The following MUC5B variants were observed in gnomAD, a reference collection of about 807,000 sequenced individuals.
The protein encoded by MUC5B is mucin-5B.
A neutral mutation model predicts 376.9 loss-of-function variants in MUC5B; 116 were observed. The observed-to-expected ratio is 0.31, with a 90% CI of 0.26 to 0.36. MUC5B has a LOEUF of 0.36. Among genes scored for constraint, MUC5B ranks in the 10% least tolerant of loss-of-function variants. The pLI, the probability that MUC5B is intolerant of heterozygous loss-of-function variation, is 1.00. For missense variants in MUC5B, 7,165 were observed against 7,769.9 expected, an observed-to-expected ratio of 0.92 and a Z score of 2.93; for synonymous variants, 3,517 against 3,390.9, an observed-to-expected ratio of 1.04 and a Z score of -1.29.
At chr11:1,231,583 G>A (rs550674755) in intron 14 of MUC5B, 23 bp downstream of exon 14, 57 of 1,552,482 alleles carry the variant, frequency 3.7e-5, no homozygotes, top group Admixed American at 9.7e-5. Flanking sequence ...AGGGGCCTTC[G>A]GGGACAGGGC....
rs1303007014 is a variant in MUC5B, at chr11:1,256,094, T to C, written c.16067-62T>C. ...CCTCTCTGAGTGTCCTGTGCGGTGA[T>C]TGGGGGCGGCCCTGGGCCCCCCCAA... is the stretch of plus-strand genomic sequence containing the variant. On this transcript the variant is annotated intron_variant, in intron 37 of 48. Transcript: ENST00000529681. 8.3e-5 allele frequency: 48 copies of C among 579,126 alleles called. 1 individual carries two copies. Among genetic ancestry groups the C allele is most frequent in the South Asian group, 4.7e-4 (28 of 59,788 alleles). The allele number at this position is 579,126 out of a possible 1,614,324, so 35.9% of individuals were successfully genotyped here. A position where few individuals can be genotyped will look rare whatever the true frequency, so the allele number is the denominator to read the frequency against.
intron 11 of MUC5B, 110 bp from the exon 12 acceptor site, chr11:1,230,380 C>A (rs1158931250): frequency 9.4e-6 from 11 of 1,175,140 alleles, no homozygotes; most frequent in Non-Finnish European, 1.3e-5. Flanking sequence ...GTGCCAAGGA[C>A]CACCTCCCCA....
chr11:1,234,711 T>C lies in MUC5B; in HGVS notation c.2630+31T>C, dbSNP rs1238283098. On this transcript the variant is annotated intron_variant, in intron 21 of 48. Transcript: ENST00000529681. The surrounding 1 kb of genome is among the most constrained non-coding windows in gnomAD (Gnocchi z 6.3). ...TCGTGAGTCTCTCGGAGGCAGCAGG[T>C]GGGGAGGGCGGGGGCGGGGAGGGCA... is the stretch of plus-strand genomic sequence containing the variant. 30 of 179,618 alleles carry C rather than the reference T, an allele frequency of 1.7e-4. No individual in the cohort carries two copies. Among genetic ancestry groups the C allele is most frequent in the Non-Finnish European group, 2.1e-4 (30 of 142,164 alleles). 11.1% of individuals were successfully genotyped at this position (179,618 alleles called of 1,614,324 possible).
At chr11:1,232,814 G>A (rs1223490705) in intron 17 of MUC5B, 44 bp downstream of exon 17, 3 of 1,537,300 alleles carry the variant, frequency 2.0e-6, no homozygotes, top group Non-Finnish European at 2.6e-6. Context: ...CACCGCGTGG[G>A]GGTGCGGGGG....
chr11:1,240,476 C>A, intron 30 of MUC5B, 101 bp downstream of exon 30: 1 of 1,120,768 alleles, frequency 8.9e-7, no homozygotes, highest in East Asian at 2.4e-5. Flanking sequence ...GCGACAGTCC[C>A]AATCCACTGA....
rs570699662 is a variant in MUC5B, at chr11:1,240,105, G to A, written c.3772+17G>A. 1.3e-6 allele frequency: 2 copies of A among 1,562,652 alleles called. No individual in the cohort carries two copies. The highest frequency in any genetic ancestry group is 2.7e-5 in the African/African-American group (2 of 73,820). On this transcript the variant is annotated intron_variant, in intron 29 of 48. Transcript: ENST00000529681. Reference sequence around the variant, plus strand: ...GCCTTGAGGGTAAGGAAGGGCCGGGGGGTTAGTGGGCCGGTGAAGGCTGGG... The same window carrying A: ...GCCTTGAGGGTAAGGAAGGGCCGGGAGGTTAGTGGGCCGGTGAAGGCTGGG...
chr11:1,241,234 C>T lies in MUC5B; in HGVS notation c.4354C>T (p.Pro1452Ser), dbSNP rs1020330147. Residue 1452 changes from proline to serine, a missense_variant, in exon 31 of 49, where the codon CCT becomes TCT. By Grantham distance (74) the Pro-to-Ser change is moderately conservative. This residue lies in a region of MUC5B where 517 missense variants were observed against 545.3 expected (regional missense o/e 0.95). Coordinates refer to ENST00000529681, the MANE Select transcript of MUC5B (RefSeq NM_002458.3). ...GCCCTCCCTCAGTGCCAGCACGGAG[C>T]CTGCTGTGCCTACCCCAACCCAGAC... ...PQPSLSASTE[P>S]AVPTPTQTTA... 6.3e-7 allele frequency: 1 copy of T among 1,591,342 alleles called. No homozygotes were observed. Among genetic ancestry groups the T allele is most frequent in the Admixed American group, 1.8e-5 (1 of 56,402 alleles).
rs1358779378 is a variant in MUC5B, at chr11:1,227,779, G to C, written c.772G>C (p.Glu258Gln). The C allele has an allele frequency of 4.2e-6, 3 of 710,028 alleles. No individual in the cohort carries two copies. The highest frequency in any genetic ancestry group is 3.5e-5 in the African/African-American group (2 of 57,168). 44.0% of individuals were successfully genotyped at this position (710,028 alleles called of 1,614,324 possible). ...CTTGCCGGCCGGCAACTGCACGGAC[G>C]AGGTGAGTCCCCCGCCACCCCCAGC... is the stretch of plus-strand genomic sequence containing the variant. ...LPLPAGNCTD[E>Q]EGICHRTLLG... The change falls in exon 7 of 49, where the codon GAG (glutamate) becomes CAG (glutamine). Residue 258 changes from glutamate (E) to glutamine (Q), a missense_variant and splice_region_variant. By Grantham distance (29) the Glu-to-Gln change is conservative. Transcript: ENST00000529681.
At position 1,249,108 on chromosome 11, in the gene MUC5B, C is replaced by T. The variant is rs567071644; in HGVS notation, c.12228C>T (p.Thr4076=). ...GCCCTCACCCTAGCAGCAGGACCAC[C>T]GAGTCACCCCCTTCCCCAGGGACGA... The part of the protein sequence containing the change: ...LSSPHPSSRT[T]ESPPSPGTTT... Residue 4076 remains threonine (T), a synonymous_variant, in exon 31 of 49, where the codon ACC becomes ACT. Coordinates refer to ENST00000529681, the MANE Select transcript of MUC5B (RefSeq NM_002458.3). 152 of 1,611,166 alleles carry T rather than the reference C, an allele frequency of 9.4e-5. No homozygotes were observed. The highest frequency in any genetic ancestry group is 1.1e-4 in the East Asian group (5 of 44,850).
intron 17 of MUC5B, 28 bp from the exon 18 acceptor site, chr11:1,232,985 C>A: frequency 6.5e-7 from 1 of 1,545,852 alleles, no homozygotes; most frequent in Non-Finnish European, 8.7e-7. Flanking sequence ...GGCCGCTGAC[C>A]TGTCCCCCCT....
At position 1,233,859 on chromosome 11, in the gene MUC5B, CCCCTG is replaced by C. The variant is rs55859402; in HGVS notation, c.2377+30_2377+34del. ...TGCAGAAAAGCACAGGTAAGTGCCA[CCCCTG>C]CCCTGCCCTGCCCTGCCCCGCCCCG... On this transcript the variant is annotated intron_variant, in intron 19 of 48. Coordinates refer to ENST00000529681, the MANE Select transcript of MUC5B (RefSeq NM_002458.3). 0.44 allele frequency: 684,135 copies of C among 1,567,680 alleles called. 154,485 individuals carry two copies. Among genetic ancestry groups the C allele is most frequent in the East Asian group, 0.69 (29,070 of 42,210 alleles).
At chr11:1,224,948 A>G (rs1345647581) in intron 1 of MUC5B, among the ~76,000 whole-genome samples, 1 of 152,090 alleles carries the variant, frequency 6.6e-6, no homozygotes, top group Non-Finnish European at 1.5e-5. Context: ...GGGCGCCCCA[A>G]CCCAAACTGG....
At chr11:1,260,988 C>A (rs577385613) in intron 48 of MUC5B, among the ~76,000 whole-genome samples, 1 of 152,174 alleles carries the variant, frequency 6.6e-6, no homozygotes, top group African/African-American at 2.4e-5. Flanking sequence ...GTCCAGGTGT[C>A]CCCCTGGGGA....
In MUC5B at chr11:1,245,875, G is replaced by A. The variant is rs71469861; in HGVS notation, c.8995G>A (p.Ala2999Thr). Reference sequence around the variant, plus strand: ...CTGGATCCTCACAGAGCAGACCACAGCAGCCACTACGACCGCAACCACTGG... The same window carrying A: ...CTGGATCCTCACAGAGCAGACCACAACAGCCACTACGACCGCAACCACTGG... ...TTWILTEQTT[A>T]ATTTATTGST... The change falls in exon 31 of 49, where the codon GCA becomes ACA. Residue 2999 changes from alanine (A) to threonine (T), a missense_variant. Physicochemically the swap from Ala to Thr is moderately conservative, Grantham distance 58. Transcript: ENST00000529681. The A allele has an allele frequency of 1.6e-5, 25 of 1,611,854 alleles. No individual in the cohort carries two copies. The Middle Eastern group carries it at 4.9e-4, about 32-fold the overall frequency.
intron 30 of MUC5B, among the ~76,000 whole-genome samples, chr11:1,240,582 C>T (rs1277140360): frequency 6.6e-6 from 1 of 152,210 alleles, no homozygotes; most frequent in African/African-American, 2.4e-5. Flanking sequence ...TGATGGGATA[C>T]CCCAAGGAGA....
intron 48 of MUC5B, 54 bp downstream of exon 48, chr11:1,260,782 C>T (rs1862976880): frequency 7.3e-7 from 1 of 1,364,510 alleles, no homozygotes; most frequent in Non-Finnish European, 1.0e-6. Flanking sequence ...TGGGTCCGCC[C>T]TGGCCCGTCA....
chr11:1,261,512 C>A lies in MUC5B; in HGVS notation c.17193C>A (p.His5731Gln), dbSNP rs772113675. The A allele has an allele frequency of 6.2e-6, 10 of 1,604,992 alleles. No individual in the cohort carries two copies. Among genetic ancestry groups the A allele is most frequent in the Non-Finnish European group, 8.5e-6 (10 of 1,176,768 alleles). ...CAGCCATCCTGCACACCTACACCCACGTGGATGAGTGTGGCTGCACGCCCT... is the reference window on the plus strand; with the variant it reads ...CAGCCATCCTGCACACCTACACCCAAGTGGATGAGTGTGGCTGCACGCCCT... ...NGSAILHTYT[H>Q]VDECGCTPFC... is the part of the protein sequence containing the mutation. The change falls in exon 49 of 49, where the codon CAC becomes CAA. Residue 5731 changes from histidine to glutamine, a missense_variant. This residue lies in a region of MUC5B where 842 missense variants were observed against 1,016.9 expected (regional missense o/e 0.83). Coordinates refer to ENST00000529681, the MANE Select transcript of MUC5B (RefSeq NM_002458.3).
In MUC5B at chr11:1,236,352, G is replaced by C. The variant is rs747257418; in HGVS notation, c.2881-34G>C. On this transcript the variant is annotated intron_variant, in intron 23 of 48. Coordinates refer to ENST00000529681, the MANE Select transcript of MUC5B (RefSeq NM_002458.3). The stretch of plus-strand genomic sequence containing the variant: ...TCAGGCCCCTCCCTGGGGGCCACAG[G>C]GTCGGCTTCCGGCAGCGTCTGCCTC... 185 of 1,580,400 alleles carry C rather than the reference G, an allele frequency of 1.2e-4. 1 individual carries two copies. The Admixed American group carries it at 3.1e-3, about 27-fold the overall frequency.
In MUC5B at chr11:1,242,930, C is replaced by G. The variant is rs2943506; in HGVS notation, c.6050C>G (p.Ala2017Gly). The G allele has an allele frequency of 6.2e-7, 1 of 1,612,906 alleles. No individual in the cohort carries two copies. The highest frequency in any genetic ancestry group is 8.5e-7 in the Non-Finnish European group (1 of 1,179,198). The change falls in exon 31 of 49, where the codon GCC (alanine) becomes GGC (glycine). Residue 2017 changes from alanine (A) to glycine (G), a missense_variant. This residue lies in a region of MUC5B where 897 missense variants were observed against 779.6 expected (regional missense o/e 1.15). Coordinates refer to ENST00000529681, the MANE Select transcript of MUC5B (RefSeq NM_002458.3). ...ACACCCTCCTCCACTCCAGAGACTG[C>G]CCACACCTCCACAGTGCTTACCGCC... ...TATPSSTPET[A>G]HTSTVLTATA...
Sources: gnomAD v4.1 joint callset for allele counts (sites outside exome capture counted in the v4.1 genomes callset) on GRCh38, gnomAD v4.1.1 for gene constraint, gnomAD v4.1.1 regional missense constraint, Gnocchi (gnomAD v3.1) non-coding constraint, MANE v1.5 for transcripts, NCBI Gene and HGNC (gene_info 2026-07-23, HGNC 2026-07-21) for gene names.